ARK2N: variants seen among roughly 807,000 people sequenced by gnomAD.
ARK2N encodes the protein arkadia (RNF111) N-terminal like PKA signaling regulator 2N.
the ARK2N span, among the ~76,000 whole-genome samples, chr18:46,233,964 C>T: frequency 6.6e-6 from 1 of 152,126 alleles, no homozygotes; most frequent in Non-Finnish European, 1.5e-5. Context: ...TGATGTTATT[C>T]TGAAGAAAAT....
chr18:46,246,497 TTATC>T, the ARK2N span, among the ~76,000 whole-genome samples: 100 of 152,276 alleles, frequency 6.6e-4, no homozygotes, highest in African/African-American at 2.4e-3. Context: ...GTGGCACAAT[TTATC>T]TAAGGCTCTG....
At chr18:46,256,291 G>A in the ARK2N span, among the ~76,000 whole-genome samples, 7 of 152,248 alleles carry the variant, frequency 4.6e-5, 1 homozygote, top group African/African-American at 1.7e-4. Context: ...CAAGTTCTCT[G>A]TTAATTTCTA....
chr18:46,243,951 G>A, the ARK2N span, among the ~76,000 whole-genome samples: 1 of 152,192 alleles, frequency 6.6e-6, no homozygotes, highest in African/African-American at 2.4e-5. Context: ...TAGTGGCTCA[G>A]TCACTGGATT....
the ARK2N span, among the ~76,000 whole-genome samples, chr18:46,192,324 A>C: frequency 1.3e-5 from 2 of 152,150 alleles, no homozygotes; most frequent in Non-Finnish European, 2.9e-5. Flanking sequence ...CTGTAATCCC[A>C]GCAATATGGG....
the ARK2N span, chr18:46,174,072 C>T: frequency 6.6e-6 from 1 of 152,582 alleles, no homozygotes. Context: ...GTGACATTTT[C>T]TTGGGGGCGG....
the ARK2N span, among the ~76,000 whole-genome samples, chr18:46,178,091 A>G: frequency 3.9e-5 from 6 of 152,154 alleles, no homozygotes; most frequent in Non-Finnish European, 1.5e-5. Context: ...TGAGCATGCC[A>G]GGCTAGGGCA....
At chr18:46,214,973 C>T in the ARK2N span, among the ~76,000 whole-genome samples, 1 of 152,116 alleles carries the variant, frequency 6.6e-6, no homozygotes. Flanking sequence ...TTTGGTTGCT[C>T]ATTTGCCAAA....
chr18:46,182,829 CT>C, the ARK2N span, among the ~76,000 whole-genome samples: 1 of 151,762 alleles, frequency 6.6e-6, no homozygotes, highest in African/African-American at 2.4e-5. Flanking sequence ...CCATTATCAC[CT>C]TTGACCTATT....
chr18:46,209,150 A>G, the ARK2N span, among the ~76,000 whole-genome samples: 1 of 152,170 alleles, frequency 6.6e-6, no homozygotes, highest in African/African-American at 2.4e-5. Context: ...GAAAGCAATC[A>G]CATTTTCCCT....
chr18:46,221,570 A>AAT, the ARK2N span, among the ~76,000 whole-genome samples: 2 of 148,948 alleles, frequency 1.3e-5, no homozygotes, highest in South Asian at 4.3e-4. Flanking sequence ...AAAAAAAAAA[A>AAT]GGTATTTTGA....
chr18:46,215,688 A>C, the ARK2N span: 355 of 415,306 alleles, frequency 8.5e-4, no homozygotes, highest in East Asian at 1.2e-3. Flanking sequence ...AGATAATAAT[A>C]TATATATATT....
At chr18:46,221,745 A>T in the ARK2N span, among the ~76,000 whole-genome samples, 1 of 152,202 alleles carries the variant, frequency 6.6e-6, no homozygotes, top group East Asian at 1.9e-4. Flanking sequence ...ATTGCTTGGC[A>T]AATTTTAAAT....
chr18:46,194,287 G>C, the ARK2N span, among the ~76,000 whole-genome samples: 2 of 151,192 alleles, frequency 1.3e-5, no homozygotes, highest in Non-Finnish European at 2.9e-5. Context: ...TGTCTTTCCT[G>C]TTATGGAGGG....
At chr18:46,223,456 G>C in the ARK2N span, among the ~76,000 whole-genome samples, 1 of 152,126 alleles carries the variant, frequency 6.6e-6, no homozygotes, top group Non-Finnish European at 1.5e-5. Flanking sequence ...AGCCTTTTAG[G>C]CATTGAAAAT....
chr18:46,232,784 T>G, the ARK2N span: 16 of 152,222 alleles, frequency 1.1e-4, no homozygotes, highest in Admixed American at 1.3e-4. Flanking sequence ...AAGTGTATTC[T>G]ATGGCAATTA....
the ARK2N span, among the ~76,000 whole-genome samples, chr18:46,175,793 G>A: frequency 3.3e-5 from 5 of 152,192 alleles, no homozygotes; most frequent in South Asian, 1.0e-3. Context: ...GAGCCGTGGC[G>A]CCTGGACTGA....
chr18:46,238,824 A>T, the ARK2N span, among the ~76,000 whole-genome samples: 1 of 152,312 alleles, frequency 6.6e-6, no homozygotes, highest in African/African-American at 2.4e-5. Context: ...TAAAATAGTA[A>T]TACTTCATTG....
the ARK2N span, among the ~76,000 whole-genome samples, chr18:46,200,598 A>C: frequency 2.6e-5 from 4 of 152,010 alleles, no homozygotes; most frequent in East Asian, 7.7e-4. Flanking sequence ...GAGCCACCGC[A>C]CCTGGCCAGG....
At chr18:46,181,830 A>C in the ARK2N span, among the ~76,000 whole-genome samples, 1 of 151,980 alleles carries the variant, frequency 6.6e-6, no homozygotes, top group Non-Finnish European at 1.5e-5. Context: ...CTGGTCTCCA[A>C]CTCCTGGGCC....
Sources: gnomAD v4.1 joint callset for allele counts (sites outside exome capture counted in the v4.1 genomes callset) on GRCh38, gnomAD v4.1.1 for gene constraint, MANE v1.5 for transcripts, NCBI Gene and HGNC (gene_info 2026-07-23, HGNC 2026-07-21) for gene names.